PREPL: variants seen among roughly 807,000 people sequenced by gnomAD.
PREPL encodes the protein prolyl endopeptidase-like.
PREPL carries 77 observed loss-of-function variants against 70.6 expected under a neutral mutation model. The ratio of observed to expected loss-of-function variants is 1.09; its 90% CI spans 0.91 to 1.32. The LOEUF is 1.32. Among genes scored for constraint, PREPL ranks in the 40% most tolerant of loss-of-function variants. PREPL has a pLI of 0.00. For missense variants in PREPL, 1,002 were observed against 778.2 expected, an observed-to-expected ratio of 1.29 and a Z score of -3.42; for synonymous variants, 315 against 264.8, an observed-to-expected ratio of 1.19 and a Z score of -1.84.
chr2:44,345,773 C>T (rs917413246), intron 2 of PREPL, among the ~76,000 whole-genome samples: 26 of 152,240 alleles, frequency 1.7e-4, no homozygotes, highest in Middle Eastern at 3.4e-3. Context: ...TTAGACAAAA[C>T]AATCAAGTAA....
At chr2:44,356,936 C>G (rs1677111260) in intron 1 of PREPL, among the ~76,000 whole-genome samples, 1 of 152,162 alleles carries the variant, frequency 6.6e-6, no homozygotes, top group African/African-American at 2.4e-5. Context: ...TTCCAAGCAG[C>G]TGGGATTACA....
chr2:44,340,921 C>CT (rs1675148978), intron 5 of PREPL, among the ~76,000 whole-genome samples: 1 of 125,456 alleles, frequency 8.0e-6, no homozygotes, highest in Non-Finnish European at 1.7e-5. Flanking sequence ...GAGTGAGACT[C>CT]TGTTTCAAAA....
chr2:44,358,499 G>A (rs1374139551), intron 1 of PREPL, among the ~76,000 whole-genome samples: 2 of 152,116 alleles, frequency 1.3e-5, no homozygotes, highest in Non-Finnish European at 2.9e-5. Flanking sequence ...GAAGTAAAAG[G>A]TAGGAGAGGG....
At position 44,359,715 on chromosome 2, in the gene PREPL, T is replaced by G. The variant is rs766377212; in HGVS notation, c.-49+1665A>C. The G allele has an allele frequency of 6.3e-7, 1 of 1,599,772 alleles. No individual in the cohort carries two copies. Among genetic ancestry groups the G allele is most frequent in the African/African-American group, 1.3e-5 (1 of 74,676 alleles). ...AGAAATAATTTGGTCTTCTGCTGCA[T>G]GATATCAAAGTCCCTGGTTTATGCT... On this transcript the variant is annotated intron_variant, in intron 1 of 13. Coordinates refer to ENST00000409411, the MANE Select transcript of PREPL (RefSeq NM_001171613.2).
chr2:44,347,956 AT>A (rs1676004268), intron 1 of PREPL, among the ~76,000 whole-genome samples: 1 of 152,190 alleles, frequency 6.6e-6, no homozygotes. Context: ...TTCCTTTTAG[AT>A]TTTTTTGGGA....
intron 9 of PREPL, among the ~76,000 whole-genome samples, chr2:44,327,755 C>G (rs538293547): frequency 2.7e-4 from 41 of 151,732 alleles, no homozygotes; most frequent in African/African-American, 2.4e-4. Flanking sequence ...CCCAACTACT[C>G]GGGAGGCTGA....
At chr2:44,336,366 A>G (rs1674639695) in intron 7 of PREPL, among the ~76,000 whole-genome samples, 1 of 152,210 alleles carries the variant, frequency 6.6e-6, no homozygotes, top group Non-Finnish European at 1.5e-5. Context: ...GCCATAAAAA[A>G]GAGATAATGT....
Position 44,319,509 on chromosome 2 carries a change from A to C in PREPL, c.*1847T>G, listed in dbSNP as rs186989754. 1 of 152,410 alleles carries C rather than the reference A, an allele frequency of 6.6e-6. No individual in the cohort carries two copies. Among genetic ancestry groups the C allele is most frequent in the African/African-American group, 2.4e-5 (1 of 41,578 alleles). The allele number at this position is 152,410 out of a possible 1,614,324, so 9.4% of individuals were successfully genotyped here. A position where few individuals can be genotyped will look rare whatever the true frequency, so the allele number is the denominator to read the frequency against. On this transcript the variant is annotated 3_prime_UTR_variant, in exon 14 of 14. Transcript: ENST00000409411. ...CATTAAAAACATTTATGGAGGCTAT[A>C]TTATATAGTCAATAACAGAAAATGC... is the stretch of plus-strand genomic sequence containing the variant.
chr2:44,339,156 T>C lies in PREPL; in HGVS notation c.693A>G (p.Thr231=), dbSNP rs1235025247. 2 of 1,613,984 alleles carry C rather than the reference T, an allele frequency of 1.2e-6. No individual in the cohort carries two copies. The highest frequency in any genetic ancestry group is 8.5e-7 in the Non-Finnish European group (1 of 1,179,908). Residue 231 remains threonine (T), a synonymous_variant, in exon 6 of 14, where the codon ACA becomes ACG. Transcript: ENST00000409411. ...GAGCATCCAGGATTACCTTAAATTC[T>C]GTAGGTTCTCCAACATTAGTGAGAA... is the stretch of plus-strand genomic sequence containing the variant. ...LYILTNVGEP[T]EFKLMRTAAD... is the part of the protein sequence containing the mutation.
At chr2:44,357,946 G>C (rs960570947) in intron 1 of PREPL, among the ~76,000 whole-genome samples, 42 of 151,974 alleles carry the variant, frequency 2.8e-4, no homozygotes, top group Non-Finnish European at 1.0e-4. Context: ...ACTACAAAAA[G>C]GAAAAGAATT....
At chr2:44,343,384 T>C (rs1234608367) in intron 4 of PREPL, among the ~76,000 whole-genome samples, 1 of 152,096 alleles carries the variant, frequency 6.6e-6, no homozygotes, top group Non-Finnish European at 1.5e-5. Flanking sequence ...TAAGATAACA[T>C]GAAATTAAAA....
rs1247627279 is a variant in PREPL at position 44,319,310 on chromosome 2, G to A, written c.*2046C>T. 27 of 152,524 alleles carry A rather than the reference G, an allele frequency of 1.8e-4. No homozygotes were observed. The highest frequency in any genetic ancestry group is 2.9e-5 in the Non-Finnish European group (2 of 68,016). The allele number at this position is 152,524 out of a possible 1,614,324, so 9.4% of individuals were successfully genotyped here. On this transcript the variant is annotated 3_prime_UTR_variant, in exon 14 of 14. Transcript: ENST00000409411. ...CAACAGCTCTTATGAAGAATAATTTGGCATTATGTATCAAGTGCCCATACT... is the reference window on the plus strand; with the variant it reads ...CAACAGCTCTTATGAAGAATAATTTAGCATTATGTATCAAGTGCCCATACT...
At position 44,338,184 on chromosome 2, in the gene PREPL, T is replaced by C. The variant is rs17032140; in HGVS notation, c.888+167A>G. Among the ~76,000 whole-genome samples the C allele has an allele frequency of 0.052, 7,960 of 152,298 alleles. 265 individuals carry two copies. The highest frequency in any genetic ancestry group is 0.14 in the South Asian group (693 of 4,822). ...AAAAGCAAGATCCTCTAAGTAATTC[T>C]AAGATAACCCTCCTAAACCCAAGAG... On this transcript the variant is annotated intron_variant, in intron 7 of 13. Transcript: ENST00000409411.
In PREPL at chr2:44,319,499, T is replaced by C. The variant is rs1471453995; in HGVS notation, c.*1857A>G. The C allele has an allele frequency of 2.0e-5, 3 of 151,882 alleles. No homozygotes were observed. Among genetic ancestry groups the C allele is most frequent in the Non-Finnish European group, 4.4e-5 (3 of 67,918 alleles). 9.4% of individuals were successfully genotyped at this position (151,882 alleles called of 1,614,324 possible). ...AGAATATTGTCATTAAAAACATTTA[T>C]GGAGGCTATATTATATAGTCAATAA... On this transcript the variant is annotated 3_prime_UTR_variant, in exon 14 of 14. Coordinates refer to ENST00000409411, the MANE Select transcript of PREPL (RefSeq NM_001171613.2).
chr2:44,338,269 C>A, intron 7 of PREPL, 82 bp downstream of exon 7: 1 of 1,254,238 alleles, frequency 8.0e-7, no homozygotes, highest in Non-Finnish European at 1.1e-6. Flanking sequence ...ACTGCTGCCA[C>A]TATTCAAAAT....
Position 44,326,789 on chromosome 2 carries a change from C to G in PREPL, c.1402G>C (p.Ala468Pro). 1 of 1,614,170 alleles carries G rather than the reference C, an allele frequency of 6.2e-7. No homozygotes were observed. Among genetic ancestry groups the G allele is most frequent in the Non-Finnish European group, 8.5e-7 (1 of 1,180,030 alleles). The change falls in exon 10 of 14, where the codon GCT (alanine) becomes CCT (proline). Residue 468 changes from alanine (A) to proline (P), a missense_variant. Ala to Pro is a conservative substitution (Grantham distance 27). Transcript: ENST00000409411. ...GCAAGCACCCCTCCAGCACTGAAAG[C>G]AGTCAGGGTTGTTAGACTTGGCTGA... ...FSQPSLTTLT[A>P]FSAGGVLAGA...
At chr2:44,343,701 C>T in intron 4 of PREPL, 44 bp downstream of exon 4, 2 of 1,537,598 alleles carry the variant, frequency 1.3e-6, no homozygotes, top group African/African-American at 2.7e-5. Flanking sequence ...AAAAGTGTTA[C>T]CGTTGCCTTT....
chr2:44,338,880 A>G (rs1365303026), intron 6 of PREPL, among the ~76,000 whole-genome samples: 1 of 152,242 alleles, frequency 6.6e-6, no homozygotes, highest in Non-Finnish European at 1.5e-5. Context: ...TCATAAAATC[A>G]CGAGTTTGTA....
chr2:44,333,852 C>G (rs930749852), intron 7 of PREPL, among the ~76,000 whole-genome samples: 1 of 152,090 alleles, frequency 6.6e-6, no homozygotes, highest in Non-Finnish European at 1.5e-5. Flanking sequence ...AAAGGAAGCA[C>G]TGCTACAAAC....
Sources: gnomAD v4.1 joint callset for allele counts (sites outside exome capture counted in the v4.1 genomes callset) on GRCh38, gnomAD v4.1.1 for gene constraint, MANE v1.5 for transcripts, NCBI Gene and HGNC (gene_info 2026-07-23, HGNC 2026-07-21) for gene names.